LRP1B: variants seen among roughly 807,000 people sequenced by gnomAD.
LRP1B encodes low-density lipoprotein receptor-related protein 1B.
A neutral mutation model predicts 556.6 loss-of-function variants in LRP1B; 217 were observed. The ratio of observed to expected loss-of-function variants is 0.39; its 90% CI spans 0.35 to 0.44. The LOEUF (loss-of-function observed/expected upper bound fraction) is 0.44, where lower values mean the gene tolerates loss of function less well. LRP1B is among the 20% of genes least tolerant of loss of function. The pLI is 1.00. For missense variants in LRP1B, 5,053 were observed against 5,620.8 expected, an observed-to-expected ratio of 0.90 and a Z score of 3.23; for synonymous variants, 2,047 against 1,865.8, an observed-to-expected ratio of 1.10 and a Z score of -2.50.
Position 141,176,766 on chromosome 2 carries a change from A to G in LRP1B, c.1013+11655T>C, listed in dbSNP as rs1033082490. Among the ~76,000 whole-genome samples, 22 of 152,248 alleles carry G rather than the reference A, an allele frequency of 1.4e-4. 1 individual carries two copies. The South Asian group carries it at 1.9e-3, about 13-fold the overall frequency. ...AAAAATGACTCACTCTAAGTAAAAT[A>G]ATAAAACTGAATTTTGACTATAAAG... On this transcript the variant is annotated intron_variant, in intron 7 of 90. Transcript: ENST00000389484.
At chr2:140,463,690 T>C (rs147711072) in intron 60 of LRP1B, among the ~76,000 whole-genome samples, 2 of 152,266 alleles carry the variant, frequency 1.3e-5, no homozygotes, top group Non-Finnish European at 2.9e-5. Context: ...AGTCCTTCAA[T>C]GAGATCTTGC....
chr2:140,521,478 GAC>G (rs1401289031), intron 49 of LRP1B, among the ~76,000 whole-genome samples: 5 of 151,992 alleles, frequency 3.3e-5, no homozygotes, highest in Admixed American at 6.6e-5. Context: ...GTCTTTCCCA[GAC>G]AAGCAATTGT....
At position 140,762,008 on chromosome 2, in the gene LRP1B, CT is replaced by C. The variant is rs1416282341; in HGVS notation, c.5758+7204del. 2.7e-5 allele frequency among the ~76,000 whole-genome samples: 4 copies of C among 150,480 alleles called. No individual in the cohort carries two copies. The East Asian group carries it at 7.8e-4, about 29-fold the overall frequency. On this transcript the variant is annotated intron_variant, in intron 35 of 90. Transcript: ENST00000389484. ...ATGATGATGATGATGATGATGATGC[CT>C]TCCCTAACTATCTGAGTCTCAGATG... is the stretch of plus-strand genomic sequence containing the variant.
At chr2:141,952,229 A>G (rs2105036343) in intron 1 of LRP1B, among the ~76,000 whole-genome samples, 2 of 151,668 alleles carry the variant, frequency 1.3e-5, no homozygotes, top group Admixed American at 1.3e-4. Context: ...TATGTGCCAC[A>G]TTTTCTTAAT....
chr2:141,852,803 A>C (rs1426534841), intron 1 of LRP1B, among the ~76,000 whole-genome samples: 2 of 151,772 alleles, frequency 1.3e-5, no homozygotes, highest in Non-Finnish European at 3.0e-5. Flanking sequence ...TTTTGTAAAA[A>C]AATACAAAAA....
chr2:140,315,709 A>G (rs1684491088), intron 82 of LRP1B, among the ~76,000 whole-genome samples: 1 of 152,230 alleles, frequency 6.6e-6, no homozygotes, highest in Admixed American at 6.5e-5. Context: ...AGTTGCTATT[A>G]AAAAAGAAAA....
intron 43 of LRP1B, among the ~76,000 whole-genome samples, chr2:140,578,071 C>A (rs1236428703): frequency 6.6e-6 from 1 of 152,090 alleles, no homozygotes; most frequent in Non-Finnish European, 1.5e-5. Context: ...GTTCATGATG[C>A]ATATTTCTAA....
At chr2:141,464,594 A>ATTTTTTTTTTTT (rs1559084708) in intron 3 of LRP1B, among the ~76,000 whole-genome samples, 13 of 34,772 alleles carry the variant, frequency 3.7e-4, no homozygotes, top group African/African-American at 8.0e-4. Context: ...GTATATATAT[A>ATTTTTTTTTTTT]TATATATATA....
intron 20 of LRP1B, among the ~76,000 whole-genome samples, chr2:140,946,874 G>A (rs185557777): frequency 4.1e-4 from 62 of 152,212 alleles, no homozygotes; most frequent in East Asian, 1.4e-3. Context: ...CATTTACAGC[G>A]ACATGAATGC....
intron 7 of LRP1B, among the ~76,000 whole-genome samples, chr2:141,114,957 G>A (rs1167903642): frequency 6.6e-6 from 1 of 152,108 alleles, no homozygotes; most frequent in African/African-American, 2.4e-5. Flanking sequence ...CTTGAGGGTA[G>A]TTATCTCTCT....
chr2:141,828,876 T>A (rs1697021098), intron 1 of LRP1B, among the ~76,000 whole-genome samples: 2 of 151,898 alleles, frequency 1.3e-5, no homozygotes, highest in Non-Finnish European at 2.9e-5. Context: ...TAAAAAAAAA[T>A]TATAGGGTAG....
intron 18 of LRP1B, among the ~76,000 whole-genome samples, chr2:140,981,520 T>C (rs1265458873): frequency 2.0e-5 from 3 of 152,138 alleles, no homozygotes; most frequent in African/African-American, 7.2e-5. Context: ...TAACGAAACA[T>C]ACTGATGCAT....
At chr2:141,697,468 A>G (rs1212345369) in intron 2 of LRP1B, among the ~76,000 whole-genome samples, 2 of 151,992 alleles carry the variant, frequency 1.3e-5, no homozygotes, top group African/African-American at 2.4e-5. Flanking sequence ...TTACATTGAA[A>G]CGTGCATCGG....
intron 43 of LRP1B, among the ~76,000 whole-genome samples, chr2:140,559,346 C>A (rs1680849055): frequency 6.6e-6 from 1 of 151,884 alleles, no homozygotes; most frequent in Admixed American, 6.6e-5. Flanking sequence ...GAGACACACA[C>A]AACAGGCTCA....
intron 1 of LRP1B, among the ~76,000 whole-genome samples, chr2:141,922,274 T>C (rs1436969207): frequency 1.3e-5 from 2 of 152,188 alleles, no homozygotes; most frequent in Admixed American, 6.5e-5. Context: ...GAACTCGCCA[T>C]GTAAGCCCTG....
intron 2 of LRP1B, among the ~76,000 whole-genome samples, chr2:141,752,210 A>C (rs555910490): frequency 6.6e-6 from 1 of 152,290 alleles, no homozygotes; most frequent in African/African-American, 2.4e-5. Flanking sequence ...TTATGCAGGA[A>C]GTTTAATTTT....
intron 1 of LRP1B, among the ~76,000 whole-genome samples, chr2:142,061,297 C>T (rs972994377): frequency 6.6e-6 from 1 of 151,912 alleles, no homozygotes; most frequent in Non-Finnish European, 1.5e-5. Flanking sequence ...AGAAGTCCAT[C>T]AGATGAGGAA....
rs200336213 is a variant in LRP1B, at chr2:140,973,052, T to TTATATATATATATATATATATATA, written c.2887+9084_2887+9107dup. Among the ~76,000 whole-genome samples the TTATATATATATATATATATATATA allele has an allele frequency of 5.8e-5, 8 of 138,576 alleles. No homozygotes were observed. In the East Asian group the frequency reaches 1.1e-3, roughly 19 times the overall value. The allele number at this position is 138,576 out of a possible 152,430, so 90.9% of individuals were successfully genotyped here. A position where few individuals can be genotyped will look rare whatever the true frequency, so the allele number is the denominator to read the frequency against. On this transcript the variant is annotated intron_variant, in intron 18 of 90. Coordinates refer to ENST00000389484, the MANE Select transcript of LRP1B (RefSeq NM_018557.3). ...ATGCTTTCATTAAATATATTTCATT[T>TTATATATATATATATATATATATA]TATATATATATATATATATATATAT...
intron 86 of LRP1B, among the ~76,000 whole-genome samples, chr2:140,265,477 C>G (rs1490005319): frequency 6.6e-6 from 1 of 151,932 alleles, no homozygotes; most frequent in East Asian, 1.9e-4. Flanking sequence ...TTTCAAGGAA[C>G]AAATTTATTC....
Sources: allele counts gnomAD v4.1 joint callset (sites outside exome capture counted in the v4.1 genomes callset), GRCh38; gene constraint gnomAD v4.1.1; transcripts MANE v1.5; gene names NCBI Gene and HGNC (gene_info 2026-07-23, HGNC 2026-07-21).